Variants in RMP64 observed in about 807,000 individuals in gnomAD.
RMP64 encodes the protein ribonuclease MRP subunit p64.
the RMP64 span, among the ~76,000 whole-genome samples, chr3:113,017,002 T>C: frequency 1.3e-5 from 2 of 152,206 alleles, no homozygotes; most frequent in African/African-American, 4.8e-5. Context: ...CCATTTACTC[T>C]AACATACCAC....
At chr3:113,011,806 C>T in the RMP64 span, among the ~76,000 whole-genome samples, 23 of 152,150 alleles carry the variant, frequency 1.5e-4, no homozygotes, top group African/African-American at 5.5e-4. Flanking sequence ...AAGCTATTTT[C>T]ATTACAGAAG....
At chr3:113,011,352 A>C in the RMP64 span, 1 of 1,608,260 alleles carries the variant, frequency 6.2e-7, no homozygotes, top group Non-Finnish European at 8.5e-7. Flanking sequence ...GAAGCAATCC[A>C]AACAAAGGCT....
the RMP64 span, chr3:113,013,888 G>C: frequency 3.7e-6 from 4 of 1,089,092 alleles, no homozygotes; most frequent in Non-Finnish European, 5.7e-6. Context: ...GAAATCCAAA[G>C]GGAGATCACA....
chr3:113,011,728 T>G, the RMP64 span, among the ~76,000 whole-genome samples: 1 of 152,168 alleles, frequency 6.6e-6, no homozygotes, highest in Non-Finnish European at 1.5e-5. Flanking sequence ...TTAGGCAAAT[T>G]TCAGGTTCTT....
At chr3:113,014,030 A>C in the RMP64 span, 1 of 1,605,376 alleles carries the variant, frequency 6.2e-7, no homozygotes, top group Non-Finnish European at 8.5e-7. Flanking sequence ...AACATTGCTC[A>C]ACCTGAAAGA....
At chr3:113,013,847 T>C in the RMP64 span, 2 of 818,612 alleles carry the variant, frequency 2.4e-6, no homozygotes, top group Non-Finnish European at 4.2e-6. Context: ...AGCTGAGGTA[T>C]AATTGGTTAT....
the RMP64 span, chr3:113,017,309 C>T: frequency 6.8e-6 from 4 of 584,244 alleles, no homozygotes; most frequent in African/African-American, 1.9e-5. Flanking sequence ...GCACATGTAA[C>T]TGTGGGCTAT....
At chr3:113,011,954 A>C in the RMP64 span, among the ~76,000 whole-genome samples, 9 of 152,232 alleles carry the variant, frequency 5.9e-5, no homozygotes, top group African/African-American at 2.2e-4. Flanking sequence ...TATCAAAGCA[A>C]GGTTTTCAAT....
chr3:113,019,388 G>T, the RMP64 span: 1 of 635,040 alleles, frequency 1.6e-6, no homozygotes, highest in Non-Finnish European at 2.8e-6. Context: ...CACCAGCAAA[G>T]TGCTGGGACC....
chr3:113,013,826 A>G, the RMP64 span: 28 of 740,238 alleles, frequency 3.8e-5, no homozygotes, highest in African/African-American at 7.1e-5. Context: ...ACATTAAAAC[A>G]AAATTTATAC....
At chr3:113,008,340 T>C in the RMP64 span, 1 of 1,613,778 alleles carries the variant, frequency 6.2e-7, no homozygotes, top group South Asian at 1.1e-5. Flanking sequence ...TGCACAAAAC[T>C]TTTGGCATGA....
chr3:113,019,243 C>G, the RMP64 span: 2 of 437,574 alleles, frequency 4.6e-6, no homozygotes, highest in East Asian at 4.6e-5. Context: ...CACTGTTCCC[C>G]GGCACCAGCT....
At chr3:113,019,394 G>T in the RMP64 span, 1 of 642,748 alleles carries the variant, frequency 1.6e-6, no homozygotes, top group Non-Finnish European at 2.7e-6. Context: ...CAAAGTGCTG[G>T]GACCGCTCGA....
the RMP64 span, chr3:113,004,379 TAA>T: frequency 6.6e-6 from 1 of 152,200 alleles, no homozygotes; most frequent in South Asian, 2.1e-4. Flanking sequence ...TCAAAAAGTC[TAA>T]AGTTTGAGAA....
At chr3:113,011,043 A>G in the RMP64 span, 2 of 1,574,822 alleles carry the variant, frequency 1.3e-6, no homozygotes, top group South Asian at 2.4e-5. Flanking sequence ...AAAGCAAATT[A>G]CCTTTGAAGA....
chr3:113,010,516 A>T, the RMP64 span: 3 of 705,920 alleles, frequency 4.2e-6, no homozygotes, highest in Non-Finnish European at 2.4e-6. Context: ...GCACACACTG[A>T]CAACTAAGAA....
At chr3:113,003,622 CA>C in the RMP64 span, 1 of 152,156 alleles carries the variant, frequency 6.6e-6, no homozygotes, top group Non-Finnish European at 1.5e-5. Context: ...TCCAAAAGAA[CA>C]TGAATGAATT....
the RMP64 span, among the ~76,000 whole-genome samples, chr3:113,006,719 T>C: frequency 1.3e-5 from 2 of 152,190 alleles, no homozygotes; most frequent in African/African-American, 4.8e-5. Context: ...TATAATAAAG[T>C]AAATCATGAT....
At chr3:113,005,844 A>G in the RMP64 span, 4 of 1,613,700 alleles carry the variant, frequency 2.5e-6, no homozygotes, top group Non-Finnish European at 3.4e-6. Context: ...ATTTCCCTTA[A>G]AAGAGTCGAC....
Sources: allele counts gnomAD v4.1 joint callset (sites outside exome capture counted in the v4.1 genomes callset), GRCh38; gene constraint gnomAD v4.1.1; transcripts MANE v1.5; gene names NCBI Gene and HGNC (gene_info 2026-07-23, HGNC 2026-07-21).